The following WASHC4 variants were observed in gnomAD, a reference collection of about 807,000 sequenced individuals.
WASHC4 encodes WASH complex subunit 7.
WASHC4 carries 86 observed loss-of-function variants against 166.6 expected under a neutral mutation model. The ratio of observed to expected loss-of-function variants is 0.52; its 90% CI spans 0.43 to 0.62. The LOEUF is 0.62. WASHC4 is among the 20% of genes least tolerant of loss of function. The pLI, the probability that WASHC4 is intolerant of heterozygous loss-of-function variation, is 0.00. For missense variants in WASHC4, 1,262 were observed against 1,382.4 expected (o/e 0.91, Z 1.38); for synonymous variants, 446 against 451.6 (o/e 0.99, Z 0.16).
At chr12:105,130,155 A>G (rs1468547211) in intron 13 of WASHC4, among the ~76,000 whole-genome samples, 1 of 152,252 alleles carries the variant, frequency 6.6e-6, no homozygotes, top group African/African-American at 2.4e-5. Context: ...CAGGCTGTTA[A>G]CTACTACTAT....
At chr12:105,135,915 A>T (rs1882277362) in intron 14 of WASHC4, among the ~76,000 whole-genome samples, 1 of 152,036 alleles carries the variant, frequency 6.6e-6, no homozygotes, top group Admixed American at 6.6e-5. Flanking sequence ...ATACCCAGTT[A>T]TTTTTTATAG....
chr12:105,166,310 C>G (rs1374420770), intron 32 of WASHC4, among the ~76,000 whole-genome samples: 1 of 152,066 alleles, frequency 6.6e-6, no homozygotes, highest in Non-Finnish European at 1.5e-5. Flanking sequence ...GCACAAAAAG[C>G]CAGGAATTCA....
At chr12:105,149,003 T>TA in intron 24 of WASHC4, 1 of 981,258 alleles carries the variant, frequency 1.0e-6, no homozygotes, top group Non-Finnish European at 1.2e-6. Flanking sequence ...GAGAAATTAT[T>TA]ACAGTAGAGA....
chr12:105,142,162 T>TG, intron 18 of WASHC4, among the ~76,000 whole-genome samples: 1 of 152,274 alleles, frequency 6.6e-6, no homozygotes, highest in South Asian at 2.1e-4. Context: ...GGTCAATAAA[T>TG]GTTTATTTTA....
intron 1 of WASHC4, among the ~76,000 whole-genome samples, chr12:105,109,483 TGTA>T (rs934443072): frequency 1.3e-5 from 2 of 152,232 alleles, no homozygotes; most frequent in African/African-American, 4.8e-5. Flanking sequence ...AAAATTACCA[TGTA>T]GTTCTTATCT....
At chr12:105,120,229 G>A (rs1880599544) in intron 7 of WASHC4, among the ~76,000 whole-genome samples, 1 of 152,132 alleles carries the variant, frequency 6.6e-6, no homozygotes, top group South Asian at 2.1e-4. Context: ...TAAATCATTT[G>A]GGTTTCAATG....
rs761132139 is a variant in WASHC4 at position 105,138,010 on chromosome 12, A to T, written c.1451A>T (p.Lys484Met). ...TTGTGCAGGCTTGTTGAACTTCTCA[A>T]GGTAGGTTTTAGATTATTTTACTGC... ...KALCRLVELL[K>M]AIEHMFYRRS... Residue 484 changes from lysine to methionine, a missense_variant and splice_region_variant, in exon 15 of 33, where the codon AAG (lysine) becomes ATG (methionine). By Grantham distance (95) the Lys-to-Met change is moderately conservative. Coordinates refer to ENST00000332180, the MANE Select transcript of WASHC4 (RefSeq NM_015275.3). 3.1e-6 allele frequency: 5 copies of T among 1,611,146 alleles called. No homozygotes were observed. The highest frequency in any genetic ancestry group is 1.7e-5 in the Admixed American group (1 of 59,690).
rs939295461 is a variant in WASHC4, at chr12:105,148,765, T to G, written c.2515-850T>G. 1.5e-5 allele frequency: 15 copies of G among 985,148 alleles called. No homozygotes were observed. In the African/African-American group the frequency reaches 2.4e-4, roughly 16 times the overall value. 61.0% of individuals were successfully genotyped at this position (985,148 alleles called of 1,614,324 possible). ...ATCATTAGTAATACTTGAGAGTTAG[T>G]GGGGTTGGAAATGAATTTAGGGTTT... On this transcript the variant is annotated intron_variant, in intron 24 of 32. Coordinates refer to ENST00000332180, the MANE Select transcript of WASHC4 (RefSeq NM_015275.3).
At chr12:105,139,407 CTA>C (rs1324789848) in intron 15 of WASHC4, among the ~76,000 whole-genome samples, 7 of 81,416 alleles carry the variant, frequency 8.6e-5, no homozygotes, top group African/African-American at 3.1e-4. Flanking sequence ...TATAGACAGA[CTA>C]TATATATGTG....
At chr12:105,116,615 T>C (rs1880208048) in intron 6 of WASHC4, among the ~76,000 whole-genome samples, 1 of 152,168 alleles carries the variant, frequency 6.6e-6, no homozygotes, top group African/African-American at 2.4e-5. Context: ...TTTAGCTGCT[T>C]TTGCTACAAA....
intron 1 of WASHC4, among the ~76,000 whole-genome samples, chr12:105,108,220 T>C (rs1879277291): frequency 6.6e-6 from 1 of 152,182 alleles, no homozygotes; most frequent in African/African-American, 2.4e-5. Flanking sequence ...CTCTGGCCTC[T>C]TGGGGATTTC....
At chr12:105,139,425 G>GTGTATA in intron 15 of WASHC4, among the ~76,000 whole-genome samples, 45 of 103,226 alleles carry the variant, frequency 4.4e-4, no homozygotes, top group East Asian at 5.5e-4. Context: ...ATGTGTGTGT[G>GTGTATA]TATATATATA....
chr12:105,149,453 A>C, intron 24 of WASHC4, 162 bp from the exon 25 acceptor site: 1 of 1,060,150 alleles, frequency 9.4e-7, no homozygotes, highest in Non-Finnish European at 1.2e-6. Context: ...GCAATAAAAA[A>C]TGTTATTTAA....
At chr12:105,134,534 A>T (rs1393897279) in intron 14 of WASHC4, among the ~76,000 whole-genome samples, 1 of 152,030 alleles carries the variant, frequency 6.6e-6, no homozygotes, top group African/African-American at 2.4e-5. Context: ...TAATGTTTAG[A>T]ATTGTTCTGT....
chr12:105,127,098 G>C (rs1439348195), intron 12 of WASHC4, 31 bp from the exon 13 acceptor site: 1 of 1,595,270 alleles, frequency 6.3e-7, no homozygotes, highest in Non-Finnish European at 8.6e-7. Context: ...TGCATTTAAT[G>C]AATTTTCCCC....
intron 14 of WASHC4, among the ~76,000 whole-genome samples, chr12:105,137,676 A>G (rs930018355): frequency 6.6e-6 from 1 of 152,204 alleles, no homozygotes; most frequent in Non-Finnish European, 1.5e-5. Context: ...TGACAGGATA[A>G]ATAAACGGTT....
intron 25 of WASHC4, among the ~76,000 whole-genome samples, chr12:105,151,804 A>C (rs1296120606): frequency 1.3e-5 from 2 of 152,196 alleles, no homozygotes; most frequent in East Asian, 3.8e-4. Flanking sequence ...TGGAGCAGAA[A>C]TTCCTAGTAT....
chr12:105,108,346 A>G (rs1346036814), intron 1 of WASHC4, among the ~76,000 whole-genome samples: 1 of 152,160 alleles, frequency 6.6e-6, no homozygotes, highest in African/African-American at 2.4e-5. Flanking sequence ...TGTCTTTCCC[A>G]TCGCGTTGCT....
intron 4 of WASHC4, 25 bp from the exon 5 acceptor site, chr12:105,115,149 CTTTAAAATTA>C: frequency 2.6e-6 from 3 of 1,174,546 alleles, no homozygotes; most frequent in Non-Finnish European, 3.8e-6. Flanking sequence ...ACAAAACAAC[CTTTAAAATTA>C]TTTTAATTTT....
Sources: gnomAD v4.1 joint callset for allele counts (sites outside exome capture counted in the v4.1 genomes callset) on GRCh38, gnomAD v4.1.1 for gene constraint, MANE v1.5 for transcripts, NCBI Gene and HGNC (gene_info 2026-07-23, HGNC 2026-07-21) for gene names.